The following REXO1 variants were observed in gnomAD, a reference collection of about 807,000 sequenced individuals.
REXO1 encodes RNA exonuclease 1 homolog, also known as REX1, RNA exonuclease 1 homolog.
In REXO1, 42 loss-of-function variants were observed where a neutral mutation model predicts 102.6. That is an observed-to-expected ratio of 0.41 (90% CI 0.32 to 0.53). The LOEUF (loss-of-function observed/expected upper bound fraction) is 0.53, where lower values mean the gene tolerates loss of function less well. Among genes scored for constraint, REXO1 ranks in the 20% least tolerant of loss-of-function variants. The pLI, the probability that REXO1 is intolerant of heterozygous loss-of-function variation, is 0.27. For synonymous variants in REXO1, 908 were observed against 779.1 expected (o/e 1.17, Z -2.76); for missense variants, 1,819 against 1,732.5 (o/e 1.05, Z -0.89).
At position 1,819,132 on chromosome 19, in the gene REXO1, C is replaced by T. The variant is rs1224243955; in HGVS notation, c.2651-1G>A. 1 of 1,560,778 alleles carries T rather than the reference C, an allele frequency of 6.4e-7. No homozygotes were observed. Among genetic ancestry groups the T allele is most frequent in the East Asian group, 2.3e-5 (1 of 44,156 alleles). ...GACACAACCCTGCGGCCACTGGTTTCTGGAAGGAAGGGAGGGAGGGGAGGA... is the reference window on the plus strand; with the variant it reads ...GACACAACCCTGCGGCCACTGGTTTTTGGAAGGAAGGGAGGGAGGGGAGGA... On this transcript the variant is annotated splice_acceptor_variant, in intron 7 of 15. Coordinates refer to ENST00000170168, the MANE Select transcript of REXO1 (RefSeq NM_020695.4). LOFTEE classifies it high-confidence loss of function.
rs181008414 is a variant in REXO1, at chr19:1,826,487, G to A, written c.1911+391C>T. On this transcript the variant is annotated intron_variant, in intron 2 of 15. Transcript: ENST00000170168. The surrounding 1 kb of genome is among the most constrained non-coding windows in gnomAD (Gnocchi z 4.3). ...GAAGAGACAGAGATGGGGGAAGGGA[G>A]GAGGGGAGAAGAGAGGGGGAAGGGA... Among the ~76,000 whole-genome samples the A allele has an allele frequency of 5.7e-4, 86 of 150,484 alleles. No homozygotes were observed. The highest frequency in any genetic ancestry group is 1.7e-3 in the African/African-American group (68 of 40,898).
Position 1,830,146 on chromosome 19 carries a change from T to C in REXO1, c.158-1515A>G, listed in dbSNP as rs143395177. Among the ~76,000 whole-genome samples, 256 of 152,302 alleles carry C rather than the reference T, an allele frequency of 1.7e-3. 1 individual carries two copies. Among genetic ancestry groups the C allele is most frequent in the African/African-American group, 6.0e-3 (249 of 41,572 alleles). On this transcript the variant is annotated intron_variant, in intron 1 of 15. Transcript: ENST00000170168. ...AAACATGAGCAAGTGGAGCCCAGTATTCCAGCGAAGCAATAAAAACCAAGT... is the reference window on the plus strand; with the variant it reads ...AAACATGAGCAAGTGGAGCCCAGTACTCCAGCGAAGCAATAAAAACCAAGT...
rs554818492 is a variant in REXO1, at chr19:1,840,787, C to T, written c.157+7415G>A. On this transcript the variant is annotated intron_variant, in intron 1 of 15. Coordinates refer to ENST00000170168, the MANE Select transcript of REXO1 (RefSeq NM_020695.4). The stretch of plus-strand genomic sequence containing the variant: ...TGCTTCCCGAGTCCCCTCAGCCTGG[C>T]GCCACAGACACTGAGTCTAGATGGA... Among the ~76,000 whole-genome samples the T allele has an allele frequency of 1.9e-4, 29 of 152,224 alleles. No homozygotes were observed. In the South Asian group the frequency reaches 4.2e-3, roughly 22 times the overall value.
intron 1 of REXO1, among the ~76,000 whole-genome samples, chr19:1,838,394 G>A (rs1041600314): frequency 4.0e-5 from 6 of 151,738 alleles, no homozygotes; most frequent in East Asian, 3.9e-4. Context: ...CGAAGCGGGC[G>A]GATCACCTGA....
intron 1 of REXO1, 59 bp downstream of exon 1, chr19:1,848,143 T>A: frequency 1.2e-6 from 1 of 856,344 alleles, no homozygotes; most frequent in Admixed American, 4.5e-5. Context: ...GGGACCGGGG[T>A]GGGGTCCAGA....
intron 1 of REXO1, among the ~76,000 whole-genome samples, chr19:1,836,703 G>A (rs979515680): frequency 2.3e-5 from 3 of 129,560 alleles, no homozygotes; most frequent in African/African-American, 6.0e-5. Flanking sequence ...CCAAGATTAC[G>A]CCATCGCACT....
chr19:1,825,595 C>T (rs1398911530), intron 3 of REXO1, among the ~76,000 whole-genome samples: 2 of 151,852 alleles, frequency 1.3e-5, no homozygotes, highest in Non-Finnish European at 2.9e-5. Flanking sequence ...CCTGCCTCAG[C>T]CTCTCTAGTA....
chr19:1,844,714 G>C (rs2011456979), intron 1 of REXO1, among the ~76,000 whole-genome samples: 1 of 152,232 alleles, frequency 6.6e-6, no homozygotes, highest in African/African-American at 2.4e-5. Flanking sequence ...GAACCCGACT[G>C]CGGGATCCCC....
At position 1,815,445 on chromosome 19, in the gene REXO1, G is replaced by A. The variant is rs76386559; in HGVS notation, c.*621C>T. ...AGGTCACGGAGTGCAGGGGTGGGGC[G>A]GCGAGTGGTGGAAGCCGGCGCCCCC... is the stretch of plus-strand genomic sequence containing the variant. On this transcript the variant is annotated 3_prime_UTR_variant, in exon 16 of 16. Transcript: ENST00000170168. This position sits in a 1 kb window ranked among gnomAD's most constrained non-coding sequence, Gnocchi z 4.0. 2.7e-4 allele frequency: 49 copies of A among 178,438 alleles called. No homozygotes were observed. The East Asian group carries it at 4.7e-3, about 17-fold the overall frequency. The allele number at this position is 178,438 out of a possible 1,614,324, so 11.1% of individuals were successfully genotyped here. A position where few individuals can be genotyped will look rare whatever the true frequency, so the allele number is the denominator to read the frequency against.
At chr19:1,821,405 G>A in intron 5 of REXO1, 114 bp downstream of exon 5, 2 of 1,245,248 alleles carry the variant, frequency 1.6e-6, no homozygotes, top group East Asian at 2.3e-5. Context: ...CTGCGGTGTG[G>A]AGCACGAAGG....
chr19:1,831,347 C>A (rs554541953), intron 1 of REXO1, among the ~76,000 whole-genome samples: 1 of 152,186 alleles, frequency 6.6e-6, no homozygotes, highest in Non-Finnish European at 1.5e-5. Context: ...ACTCAGAAAA[C>A]CTGCCTGCCC....
In REXO1 at chr19:1,827,365, C is replaced by A; in HGVS notation, c.1424G>T (p.Arg475Leu). The A allele has an allele frequency of 6.5e-7, 1 of 1,534,412 alleles. No individual in the cohort carries two copies. The highest frequency in any genetic ancestry group is 1.2e-5 in the South Asian group (1 of 85,136). Reference protein sequence around the residue: ...SRPAAGRGPPRPLQLPDRKST... With the variant: ...SRPAAGRGPPLPLQLPDRKST... ...CTTCCTGTCGGGCAGCTGGAGGGGG[C>A]GGGGTGGGCCTCTGCCGGCCGCCGG... The change falls in exon 2 of 16, where the codon CGC (arginine) becomes CTC (leucine). Residue 475 changes from arginine (R) to leucine (L), a missense_variant. By Grantham distance (102) the Arg-to-Leu change is moderately radical. Transcript: ENST00000170168.
At chr19:1,832,762 C>A (rs1188883157) in intron 1 of REXO1, among the ~76,000 whole-genome samples, 1 of 151,564 alleles carries the variant, frequency 6.6e-6, no homozygotes, top group African/African-American at 2.4e-5. Flanking sequence ...ACTAAAAATA[C>A]AAAATTAGCC....
intron 1 of REXO1, among the ~76,000 whole-genome samples, chr19:1,841,045 C>T (rs546715124): frequency 1.3e-5 from 2 of 152,298 alleles, no homozygotes; most frequent in East Asian, 1.9e-4. Flanking sequence ...AAAAACCTCT[C>T]GGAGCCTAAG....
Position 1,825,761 on chromosome 19 carries a change from C to G in REXO1, c.2016+78G>C, listed in dbSNP as rs183864789. 111 of 1,026,916 alleles carry G rather than the reference C, an allele frequency of 1.1e-4. No individual in the cohort carries two copies. In the African/African-American group the frequency reaches 1.7e-3, roughly 15 times the overall value. 63.6% of individuals were successfully genotyped at this position (1,026,916 alleles called of 1,614,324 possible). On this transcript the variant is annotated intron_variant, in intron 3 of 15. Transcript: ENST00000170168. Reference sequence around the variant, plus strand: ...AAAGTGCTGGGATTACAGGCGTGAGCCACCAAACCAGGCCAACCTCGTCTT... The same window carrying G: ...AAAGTGCTGGGATTACAGGCGTGAGGCACCAAACCAGGCCAACCTCGTCTT...
chr19:1,816,839 TG>T, intron 12 of REXO1, 26 bp from the exon 13 acceptor site: 1 of 1,560,136 alleles, frequency 6.4e-7, no homozygotes, highest in South Asian at 1.1e-5. Flanking sequence ...GCACCTCAGA[TG>T]TGTCCCAGGC....
chr19:1,824,095 A>C (rs755809271), intron 3 of REXO1: 3 of 303,176 alleles, frequency 9.9e-6, no homozygotes, highest in Non-Finnish European at 1.8e-5. Flanking sequence ...CACTACGCCT[A>C]ATCTTCCTCA....
chr19:1,846,748 G>A (rs1172262886), intron 1 of REXO1, among the ~76,000 whole-genome samples: 3 of 152,120 alleles, frequency 2.0e-5, no homozygotes, highest in South Asian at 2.1e-4. Flanking sequence ...AAGTTAGCCA[G>A]GCTTGGTGGC....
intron 1 of REXO1, among the ~76,000 whole-genome samples, chr19:1,828,924 G>A (rs979793713): frequency 2.0e-5 from 3 of 152,246 alleles, no homozygotes; most frequent in Admixed American, 6.5e-5. Context: ...CATGAAATGC[G>A]CACAATGACC....
Sources: allele counts gnomAD v4.1 joint callset (sites outside exome capture counted in the v4.1 genomes callset), GRCh38; gene constraint gnomAD v4.1.1; non-coding constraint Gnocchi (gnomAD v3.1); transcripts MANE v1.5; gene names NCBI Gene and HGNC (gene_info 2026-07-23, HGNC 2026-07-21).